Variants in LINGO2 observed in about 807,000 individuals in gnomAD.
The protein encoded by LINGO2 is leucine-rich repeat and immunoglobulin-like domain-containing nogo receptor-interacting protein 2.
LINGO2 carries 14 observed loss-of-function variants against 30.6 expected under a neutral mutation model. The ratio of observed to expected loss-of-function variants is 0.46; its 90% CI spans 0.30 to 0.72. The LOEUF is 0.72. LINGO2 is among the 30% of genes least tolerant of loss of function. LINGO2 has a pLI of 0.07. For missense variants in LINGO2, 729 were observed against 751.7 expected (o/e 0.97, Z 0.35); for synonymous variants, 317 against 288.5 (o/e 1.10, Z -1.00).
chr9:28,016,416 A>T (rs1822840373), intron 4 of LINGO2, among the ~76,000 whole-genome samples: 1 of 152,102 alleles, frequency 6.6e-6, no homozygotes, highest in South Asian at 2.1e-4. Context: ...TTCTGAAATG[A>T]ATTTAATATT....
the LINGO2 span, among the ~76,000 whole-genome samples, chr9:28,818,133 G>C: frequency 2.6e-5 from 4 of 152,140 alleles, no homozygotes; most frequent in African/African-American, 7.2e-5. Flanking sequence ...TCAGAACTAA[G>C]ACCTGGTTAA....
chr9:28,726,087 A>G, the LINGO2 span, among the ~76,000 whole-genome samples: 1 of 152,172 alleles, frequency 6.6e-6, no homozygotes. Flanking sequence ...AATATTGACT[A>G]TATTAGACAA....
upstream of LINGO2, among the ~76,000 whole-genome samples, chr9:28,670,713 C>A (rs1446681675): frequency 6.6e-6 from 1 of 152,096 alleles, no homozygotes; most frequent in African/African-American, 2.4e-5. Flanking sequence ...AATATCCTTA[C>A]TTTATATCTC....
At chr9:29,018,121 A>G in the LINGO2 span, among the ~76,000 whole-genome samples, 3 of 147,616 alleles carry the variant, frequency 2.0e-5, no homozygotes, top group Admixed American at 2.0e-4. Flanking sequence ...ATAGTATGAA[A>G]TCATGTTCTT....
intron 4 of LINGO2, among the ~76,000 whole-genome samples, chr9:28,223,064 C>T (rs1821023342): frequency 6.6e-6 from 1 of 152,170 alleles, no homozygotes; most frequent in Admixed American, 6.5e-5. Context: ...GCCTGAGAGC[C>T]TTCTAAATTG....
chr9:28,221,303 A>G (rs1488288918), intron 4 of LINGO2, among the ~76,000 whole-genome samples: 1 of 14,112 alleles, frequency 7.1e-5, no homozygotes, highest in Non-Finnish European at 3.2e-4. Context: ...CCGTCTAAAA[A>G]AAAAAAAAAA....
chr9:28,638,548 G>C (rs947070223), intron 1 of LINGO2, among the ~76,000 whole-genome samples: 2 of 152,260 alleles, frequency 1.3e-5, no homozygotes, highest in African/African-American at 4.8e-5. Flanking sequence ...TTAGTCTTGG[G>C]AGGGGGTATG....
At chr9:28,132,109 C>G (rs569618395) in intron 4 of LINGO2, among the ~76,000 whole-genome samples, 1 of 152,114 alleles carries the variant, frequency 6.6e-6, no homozygotes, top group Non-Finnish European at 1.5e-5. Context: ...AAATATGCAG[C>G]CCAGTTTTAG....
At chr9:28,914,003 T>C in the LINGO2 span, among the ~76,000 whole-genome samples, 1 of 152,150 alleles carries the variant, frequency 6.6e-6, no homozygotes, top group East Asian at 1.9e-4. Flanking sequence ...TTTCCATGTT[T>C]TCTCATAGAA....
At chr9:28,212,924 T>C (rs556578572) in intron 4 of LINGO2, among the ~76,000 whole-genome samples, 58 of 151,632 alleles carry the variant, frequency 3.8e-4, no homozygotes, top group Non-Finnish European at 7.3e-4. Flanking sequence ...TCCTTTGTCA[T>C]AGTAGAGAAA....
At chr9:28,471,367 C>T (rs1348151350) in intron 2 of LINGO2, among the ~76,000 whole-genome samples, 1 of 152,174 alleles carries the variant, frequency 6.6e-6, no homozygotes, top group African/African-American at 2.4e-5. Flanking sequence ...ACTTTAACAG[C>T]CTGCTGTCTT....
intron 1 of LINGO2, among the ~76,000 whole-genome samples, chr9:28,537,379 A>C (rs959436829): frequency 2.0e-5 from 3 of 152,152 alleles, no homozygotes; most frequent in Admixed American, 6.6e-5. Flanking sequence ...CGGTTTCTCT[A>C]TTGATTCTTG....
At chr9:28,781,911 G>A in the LINGO2 span, among the ~76,000 whole-genome samples, 1 of 152,174 alleles carries the variant, frequency 6.6e-6, no homozygotes, top group Non-Finnish European at 1.5e-5. Context: ...TTGTCATACA[G>A]TAAGTTGTTG....
chr9:28,003,407 AGTT>A (rs1822082121), intron 5 of LINGO2, among the ~76,000 whole-genome samples: 1 of 152,138 alleles, frequency 6.6e-6, no homozygotes, highest in Non-Finnish European at 1.5e-5. Flanking sequence ...AGAGTTAGAG[AGTT>A]CACATTTATT....
chr9:28,679,865 A>G, the LINGO2 span, among the ~76,000 whole-genome samples: 1 of 152,042 alleles, frequency 6.6e-6, no homozygotes, highest in African/African-American at 2.4e-5. Context: ...GTTTCAAAAT[A>G]TGTATACACT....
chr9:28,316,135 G>T (rs1824836549), intron 3 of LINGO2, among the ~76,000 whole-genome samples: 1 of 151,850 alleles, frequency 6.6e-6, no homozygotes. Context: ...TATAGCACTT[G>T]TCATATATTA....
At chr9:28,889,297 C>CAGTG in the LINGO2 span, among the ~76,000 whole-genome samples, 1 of 151,962 alleles carries the variant, frequency 6.6e-6, no homozygotes, top group Non-Finnish European at 1.5e-5. Flanking sequence ...AAATGAGAGG[C>CAGTG]AGTGGTATTT....
intron 2 of LINGO2, among the ~76,000 whole-genome samples, chr9:28,409,759 G>A (rs1822672473): frequency 6.6e-6 from 1 of 151,774 alleles, no homozygotes; most frequent in African/African-American, 2.4e-5. Context: ...CCCACCACTA[G>A]AATCACAGTC....
intron 5 of LINGO2, among the ~76,000 whole-genome samples, chr9:27,999,436 C>CAGAGAGAG (rs36216761): frequency 0.016 from 2,299 of 143,654 alleles, 65 homozygotes; most frequent in East Asian, 0.11. Flanking sequence ...GCCTAATCTT[C>CAGAGAGAG]AGAGAGAGAG....
Sources: gnomAD v4.1 joint callset for allele counts (sites outside exome capture counted in the v4.1 genomes callset) on GRCh38, gnomAD v4.1.1 for gene constraint, MANE v1.5 for transcripts, NCBI Gene and HGNC (gene_info 2026-07-23, HGNC 2026-07-21) for gene names.